SLC19A3: variants seen among roughly 807,000 people sequenced by gnomAD.
SLC19A3 encodes the protein solute carrier family 19 member 3, also known as thiamine transporter 2.
A neutral mutation model predicts 40.2 loss-of-function variants in SLC19A3; 31 were observed. The observed-to-expected ratio is 0.77, with a 90% CI of 0.58 to 1.04. The LOEUF is 1.04. SLC19A3 is among the 50% of genes least tolerant of loss of function. The probability of loss-of-function intolerance (pLI) is 0.00; values close to 1 mark genes in which losing one functional copy is unlikely to be tolerated. For synonymous variants in SLC19A3, 212 were observed against 227.5 expected (o/e 0.93, Z 0.61); for missense variants, 592 against 596.7 (o/e 0.99, Z 0.08).
intron 1 of SLC19A3, 131 bp downstream of exon 1, chr2:227,717,812 A>G (rs1696382446): frequency 1.5e-6 from 1 of 684,028 alleles, no homozygotes; most frequent in Non-Finnish European, 1.8e-6. Flanking sequence ...CGCGGCTCAG[A>G]GTGTAGCCCA....
chr2:227,701,103 T>A, intron 2 of SLC19A3: 1 of 1,294,996 alleles, frequency 7.7e-7, no homozygotes, highest in Non-Finnish European at 1.0e-6. Context: ...TGTGGCATGC[T>A]TCAACCTGAG....
At position 227,706,408 on chromosome 2, in the gene SLC19A3, C is replaced by G. The variant is rs924681047; in HGVS notation, c.-2-4088G>C. The G allele has an allele frequency of 4.8e-5, 59 of 1,231,126 alleles. No homozygotes were observed. In the African/African-American group the frequency reaches 8.4e-4, roughly 17 times the overall value. 76.3% of individuals were successfully genotyped at this position (1,231,126 alleles called of 1,614,324 possible). On this transcript the variant is annotated intron_variant, in intron 1 of 5. Transcript: ENST00000644224. The stretch of plus-strand genomic sequence containing the variant: ...TAAAAGTTACTCCTGTAGCAGTCAT[C>G]TTCACCCATTATTATAAGCTCTATC...
chr2:227,699,353 A>G lies in SLC19A3; in HGVS notation c.362T>C (p.Val121Ala). The G allele has an allele frequency of 4.3e-6, 7 of 1,614,140 alleles. No homozygotes were observed. Among genetic ancestry groups the G allele is most frequent in the Non-Finnish European group, 5.9e-6 (7 of 1,180,038 alleles). ...GCTGTATATGTAGGCGTAGTAGGCCACCTCGGCGGCGGTGACCATCCCATA... is the reference window on the plus strand; with the variant it reads ...GCTGTATATGTAGGCGTAGTAGGCCGCCTCGGCGGCGGTGACCATCCCATA... The part of the protein sequence containing the change: ...FFYGMVTAAE[V>A]AYYAYIYSVV... Residue 121 changes from valine to alanine, a missense_variant, in exon 3 of 6, where the codon GTG (valine) becomes GCG (alanine). Val to Ala is a moderately conservative substitution (Grantham distance 64, BLOSUM62 0). Coordinates refer to ENST00000644224, the MANE Select transcript of SLC19A3 (RefSeq NM_025243.4).
rs202145913 is a variant in SLC19A3 at position 227,699,254 on chromosome 2, C to T, written c.461G>A (p.Gly154Glu). 9 of 1,613,932 alleles carry T rather than the reference C, an allele frequency of 5.6e-6. No individual in the cohort carries two copies. The highest frequency in any genetic ancestry group is 8.5e-7 in the Non-Finnish European group (1 of 1,179,980). The stretch of plus-strand genomic sequence containing the variant: ...TACCAAGAGTTGAGCCAGCACCGAC[C>T]CTGCTGTGTAGGCGGCCAGCGTGAC... ...RSVTLAAYTA[G>E]SVLAQLLVSL... The change falls in exon 3 of 6, where the codon GGG becomes GAG. Residue 154 changes from glycine to glutamate, a missense_variant. Transcript: ENST00000644224.
intron 4 of SLC19A3, among the ~76,000 whole-genome samples, chr2:227,690,240 C>T (rs549545761): frequency 6.6e-6 from 1 of 152,066 alleles, no homozygotes; most frequent in African/African-American, 2.4e-5. Context: ...TAGAGACATA[C>T]ATAGACTGAA....
At chr2:227,716,433 C>G (rs1696337743) in intron 1 of SLC19A3, among the ~76,000 whole-genome samples, 1 of 152,146 alleles carries the variant, frequency 6.6e-6, no homozygotes, top group South Asian at 2.1e-4. Flanking sequence ...ACCTCAAGGT[C>G]TCTCTGACCT....
chr2:227,687,091 G>T lies in SLC19A3; in HGVS notation c.*306C>A. The T allele has an allele frequency of 4.1e-6, 1 of 245,108 alleles. No homozygotes were observed. Among genetic ancestry groups the T allele is most frequent in the South Asian group, 8.0e-5 (1 of 12,538 alleles). The allele number at this position is 245,108 out of a possible 1,614,324, so 15.2% of individuals were successfully genotyped here. A position where few individuals can be genotyped will look rare whatever the true frequency, so the allele number is the denominator to read the frequency against. ...ATGGCTGGAGTTTTCTCATGGTTTG[G>T]TTCCACGCCATCTGCATGTCTTTAC... On this transcript the variant is annotated 3_prime_UTR_variant, in exon 6 of 6. Coordinates refer to ENST00000644224, the MANE Select transcript of SLC19A3 (RefSeq NM_025243.4).
In SLC19A3 at chr2:227,696,050, C is replaced by T. The variant is rs1695423538; in HGVS notation, c.1011G>A (p.Val337=). 1 of 1,611,922 alleles carries T rather than the reference C, an allele frequency of 6.2e-7. No individual in the cohort carries two copies. The change falls in exon 4 of 6, where the codon GTG becomes GTA. Residue 337 remains valine, a synonymous_variant. Coordinates refer to ENST00000644224, the MANE Select transcript of SLC19A3 (RefSeq NM_025243.4). ...CTCCCAGAAGGTCCCAGTTGACTTT[C>T]ACATAACCCACTGCAAAGGCAGCCA... ...GAVAAFAVGY[V]KVNWDLLGEL...
At chr2:227,705,388 G>A (rs1286175530) in intron 1 of SLC19A3, among the ~76,000 whole-genome samples, 2 of 150,828 alleles carry the variant, frequency 1.3e-5, no homozygotes, top group Non-Finnish European at 2.9e-5. Context: ...ACTGCTTGAG[G>A]TCAGGTGTTT....
At chr2:227,712,291 G>A (rs545898805) in intron 1 of SLC19A3, among the ~76,000 whole-genome samples, 3 of 152,090 alleles carry the variant, frequency 2.0e-5, no homozygotes, top group Non-Finnish European at 2.9e-5. Flanking sequence ...ATTAGAAAGG[G>A]AAGCCACAGA....
intron 5 of SLC19A3, 81 bp downstream of exon 5, chr2:227,688,085 C>A: frequency 6.8e-7 from 1 of 1,470,332 alleles, no homozygotes; most frequent in South Asian, 1.1e-5. Flanking sequence ...CCAAGGAACT[C>A]AAGAAATTTA....
chr2:227,702,233 C>A lies in SLC19A3; in HGVS notation c.86G>T (p.Arg29Ile). 2 of 1,613,770 alleles carry A rather than the reference C, an allele frequency of 1.2e-6. No homozygotes were observed. The highest frequency in any genetic ancestry group is 1.7e-6 in the Non-Finnish European group (2 of 1,179,764). The change falls in exon 2 of 6, where the codon AGA (arginine) becomes ATA (isoleucine). Residue 29 changes from arginine (R) to isoleucine (I), a missense_variant. Physicochemically the swap from Arg to Ile is moderately conservative, Grantham distance 97. Transcript: ENST00000644224. ...LCLFGFFSMM[R>I]PSEPFLIPYL... ...TGGGATAAGGAATGGTTCTGAGGGTCTCATCATGGAGAAAAAACCAAATAA... is the reference window on the plus strand; with the variant it reads ...TGGGATAAGGAATGGTTCTGAGGGTATCATCATGGAGAAAAAACCAAATAA...
chr2:227,714,773 A>G (rs1157363675), intron 1 of SLC19A3, among the ~76,000 whole-genome samples: 1 of 149,914 alleles, frequency 6.7e-6, no homozygotes, highest in East Asian at 1.9e-4. Flanking sequence ...TTAGAGAGAT[A>G]AATACATGAA....
intron 1 of SLC19A3, among the ~76,000 whole-genome samples, chr2:227,713,471 C>A (rs1696216684): frequency 6.8e-6 from 1 of 146,976 alleles, no homozygotes; most frequent in Non-Finnish European, 1.5e-5. Context: ...GGGCTCTGTG[C>A]TCATGAATGA....
intron 4 of SLC19A3, among the ~76,000 whole-genome samples, chr2:227,689,829 G>C (rs1695152539): frequency 6.6e-6 from 1 of 152,104 alleles, no homozygotes; most frequent in Non-Finnish European, 1.5e-5. Flanking sequence ...AAGATATAAA[G>C]AGAAACAACA....
chr2:227,699,288 A>G lies in SLC19A3; in HGVS notation c.427T>C (p.Cys143Arg), dbSNP rs1574559955. ...PEHYQRVSGY[C>R]RSVTLAAYTA... ...TAGGCGGCCAGCGTGACGCTCCTGC[A>G]GTAGCCGCTCACTCTCTGGTAGTGC... The change falls in exon 3 of 6, where the codon TGC (cysteine) becomes CGC (arginine). Residue 143 changes from cysteine (C) to arginine (R), a missense_variant. Cys to Arg is a radical substitution (Grantham distance 180, BLOSUM62 -3). Coordinates refer to ENST00000644224, the MANE Select transcript of SLC19A3 (RefSeq NM_025243.4). 1 of 1,614,148 alleles carries G rather than the reference A, an allele frequency of 6.2e-7. No individual in the cohort carries two copies. Among genetic ancestry groups the G allele is most frequent in the Non-Finnish European group, 8.5e-7 (1 of 1,180,028 alleles).
chr2:227,690,100 C>T (rs539040734), intron 4 of SLC19A3, among the ~76,000 whole-genome samples: 3 of 151,982 alleles, frequency 2.0e-5, no homozygotes, highest in Non-Finnish European at 4.4e-5. Context: ...ACTGCAAAAC[C>T]AGAAAAGAAA....
rs759094678 is a variant in SLC19A3, at chr2:227,702,209, G to C, written c.110C>G (p.Pro37Arg). The C allele has an allele frequency of 6.2e-7, 1 of 1,613,646 alleles. No homozygotes were observed. The highest frequency in any genetic ancestry group is 1.7e-5 in the Admixed American group (1 of 60,000). The change falls in exon 2 of 6, where the codon CCA (proline) becomes CGA (arginine). Residue 37 changes from proline to arginine, a missense_variant. Pro to Arg is a moderately radical substitution (Grantham distance 103). Coordinates refer to ENST00000644224, the MANE Select transcript of SLC19A3 (RefSeq NM_025243.4). ...GTTTTTATCTGGTCCAGATAAATAT[G>C]GGATAAGGAATGGTTCTGAGGGTCT... ...MMRPSEPFLI[P>R]YLSGPDKNLT...
chr2:227,704,303 C>G (rs1439042407), intron 1 of SLC19A3, among the ~76,000 whole-genome samples: 1 of 152,184 alleles, frequency 6.6e-6, no homozygotes, highest in Non-Finnish European at 1.5e-5. Flanking sequence ...ATCTCACTTC[C>G]TAGCTGCATG....
Sources: gnomAD v4.1 joint callset for allele counts (sites outside exome capture counted in the v4.1 genomes callset) on GRCh38, gnomAD v4.1.1 for gene constraint, MANE v1.5 for transcripts, NCBI Gene and HGNC (gene_info 2026-07-23, HGNC 2026-07-21) for gene names.